ARHGEF10: variants seen among roughly 807,000 people sequenced by gnomAD.
The protein encoded by ARHGEF10 is Rho guanine nucleotide exchange factor 10.
Under a neutral mutation model 147.4 loss-of-function variants are expected in ARHGEF10, and 140 were observed. The ratio of observed to expected loss-of-function variants is 0.95; its 90% CI spans 0.83 to 1.09. ARHGEF10 has a LOEUF of 1.09. Ranked by LOEUF, ARHGEF10 falls within the 50% of genes least tolerant of loss-of-function variation. ARHGEF10 has a pLI of 0.00. For missense variants in ARHGEF10, 2,222 were observed against 1,752.7 expected (o/e 1.27, Z -4.78); for synonymous variants, 902 against 695.8 (o/e 1.30, Z -4.67).
intron 18 of ARHGEF10, among the ~76,000 whole-genome samples, chr8:1,919,239 G>T (rs1812015226): frequency 6.9e-6 from 1 of 144,684 alleles, no homozygotes; most frequent in Admixed American, 6.9e-5. Context: ...GAGCTGTTCT[G>T]TCGAGTGATG....
intron 23 of ARHGEF10, 41 bp downstream of exon 23, chr8:1,926,504 A>C (rs749329889): frequency 3.2e-6 from 5 of 1,567,038 alleles, no homozygotes; most frequent in Non-Finnish European, 4.4e-6. Flanking sequence ...GTTCACAGAG[A>C]ATCAACGTTC....
rs1420045508 is a variant in ARHGEF10 at position 1,889,838 on chromosome 8, T to C, written c.1183-3731T>C. Among the ~76,000 whole-genome samples the C allele has an allele frequency of 1.0e-4, 12 of 120,598 alleles. 1 individual carries two copies. Among genetic ancestry groups the C allele is most frequent in the African/African-American group, 4.0e-4 (11 of 27,780 alleles). The allele number at this position is 120,598 out of a possible 152,430, so 79.1% of individuals were successfully genotyped here. The stretch of plus-strand genomic sequence containing the variant: ...GGAGGGTTTGTGAGAAGACACTAGG[T>C]GGGGTGAGGTTTGTGAGGAGACACT... On this transcript the variant is annotated intron_variant, in intron 11 of 28. Coordinates refer to ENST00000349830, the MANE Select transcript of ARHGEF10 (RefSeq NM_014629.4).
intron 25 of ARHGEF10, among the ~76,000 whole-genome samples, chr8:1,930,071 TG>T (rs1453736284): frequency 6.6e-6 from 1 of 152,110 alleles, no homozygotes; most frequent in Non-Finnish European, 1.5e-5. Context: ...GTGGGAGCTC[TG>T]GGTACGGGGC....
intron 9 of ARHGEF10, among the ~76,000 whole-genome samples, chr8:1,882,136 C>T (rs1019715282): frequency 6.6e-6 from 1 of 152,162 alleles, no homozygotes; most frequent in Non-Finnish European, 1.5e-5. Context: ...CAGCATTTGC[C>T]AGGGTCTTGC....
intron 1 of ARHGEF10, among the ~76,000 whole-genome samples, chr8:1,828,939 C>G (rs1802926490): frequency 6.6e-6 from 1 of 152,012 alleles, no homozygotes; most frequent in East Asian, 1.9e-4. Context: ...AGTGCAGTGT[C>G]TGATTTTCTG....
At position 1,894,435 on chromosome 8, in the gene ARHGEF10, A is replaced by C. The variant is rs762579788; in HGVS notation, c.1303A>C (p.Ser435Arg). Residue 435 changes from serine (S) to arginine (R), a missense_variant, in exon 13 of 29, where the codon AGT (serine) becomes CGT (arginine). By Grantham distance (110) the Ser-to-Arg change is moderately radical. Transcript: ENST00000349830. ...GTCTGAGATGGAGCCAAAGGTTCTG[A>C]GTGAGAGGAAGCTGAAGACGGTGTT... Reference protein sequence around the residue: ...PLSEMEPKVLSERKLKTVFYR... With the variant: ...PLSEMEPKVLRERKLKTVFYR... 6.2e-7 allele frequency: 1 copy of C among 1,614,190 alleles called. No individual in the cohort carries two copies. Among genetic ancestry groups the C allele is most frequent in the East Asian group, 2.2e-5 (1 of 44,874 alleles).
At chr8:1,949,875 C>G (rs1814889576) in intron 27 of ARHGEF10, among the ~76,000 whole-genome samples, 2 of 152,036 alleles carry the variant, frequency 1.3e-5, no homozygotes, top group African/African-American at 4.8e-5. Flanking sequence ...GCGAATCCCC[C>G]TGGTAGCATT....
chr8:1,921,255 A>G (rs530900987), intron 18 of ARHGEF10, among the ~76,000 whole-genome samples: 67 of 152,356 alleles, frequency 4.4e-4, no homozygotes, highest in African/African-American at 1.6e-3. Context: ...TCAGTTATAT[A>G]GTAAATATTT....
Position 1,860,107 on chromosome 8 carries a change from T to C in ARHGEF10, c.404T>C (p.Val135Ala), listed in dbSNP as rs750057620. The change falls in exon 4 of 29, where the codon GTG becomes GCG. Residue 135 changes from valine to alanine, a missense_variant. Val to Ala is a moderately conservative substitution (Grantham distance 64). Transcript: ENST00000349830. ...GTGCCTGTACCCTGCGGCTATGCGG[T>C]GCCCTCCAACCTGCCCCTCCTGCTG... ...YLVPVPCGYA[V>A]PSNLPLLLPA... The C allele has an allele frequency of 5.0e-6, 8 of 1,613,942 alleles. No individual in the cohort carries two copies. The Admixed American group carries it at 1.3e-4, about 27-fold the overall frequency.
chr8:1,879,163 C>T (rs954823725), intron 8 of ARHGEF10, among the ~76,000 whole-genome samples: 4 of 152,150 alleles, frequency 2.6e-5, no homozygotes, highest in African/African-American at 9.7e-5. Flanking sequence ...ATGAGAAATG[C>T]CCCGAGACGA....
rs12680837 is a variant in ARHGEF10, at chr8:1,888,183, T to C, written c.1182+2476T>C. Among the ~76,000 whole-genome samples, 267 of 40,836 alleles carry C rather than the reference T, an allele frequency of 6.5e-3. 30 individuals carry two copies. The highest frequency in any genetic ancestry group is 0.039 in the Middle Eastern group (3 of 76). The allele number at this position is 40,836 out of a possible 152,430, so 26.8% of individuals were successfully genotyped here. A position where few individuals can be genotyped will look rare whatever the true frequency, so the allele number is the denominator to read the frequency against. ...GGTTGCGAGGAGACAGTGAGTGGGGTGAGGGTTTGCGAGGAGACACTTAGT... is the reference window on the plus strand; with the variant it reads ...GGTTGCGAGGAGACAGTGAGTGGGGCGAGGGTTTGCGAGGAGACACTTAGT... On this transcript the variant is annotated intron_variant, in intron 11 of 28. Transcript: ENST00000349830.
At chr8:1,894,846 C>T (rs1809846739) in intron 13 of ARHGEF10, among the ~76,000 whole-genome samples, 1 of 152,206 alleles carries the variant, frequency 6.6e-6, no homozygotes, top group Non-Finnish European at 1.5e-5. Context: ...TTTATCGAGT[C>T]TTGGATGCCC....
At chr8:1,824,889 C>T (rs1455564998) in intron 1 of ARHGEF10, among the ~76,000 whole-genome samples, 5 of 25,048 alleles carry the variant, frequency 2.0e-4, no homozygotes, top group Admixed American at 9.0e-4. Context: ...CCCACCAGTT[C>T]CCCGCACCCC....
intron 2 of ARHGEF10, among the ~76,000 whole-genome samples, chr8:1,857,010 C>T (rs1805601701): frequency 6.6e-6 from 1 of 152,216 alleles, no homozygotes; most frequent in African/African-American, 2.4e-5. Context: ...GCAAATGATG[C>T]ACACGGCAGG....
chr8:1,935,774 G>A (rs1813543682), intron 26 of ARHGEF10, among the ~76,000 whole-genome samples: 1 of 152,210 alleles, frequency 6.6e-6, no homozygotes, highest in South Asian at 2.1e-4. Context: ...TGCATGGGAG[G>A]AGCTGGGGAA....
intron 1 of ARHGEF10, among the ~76,000 whole-genome samples, chr8:1,842,066 C>T (rs1362715006): frequency 2.2e-5 from 3 of 139,404 alleles, no homozygotes; most frequent in African/African-American, 5.1e-5. Context: ...GAACTGGGGC[C>T]GCGGCGGGAA....
intron 2 of ARHGEF10, among the ~76,000 whole-genome samples, chr8:1,851,632 G>A (rs1017448980): frequency 6.6e-6 from 1 of 152,184 alleles, no homozygotes; most frequent in Non-Finnish European, 1.5e-5. Flanking sequence ...ACCAAACTGG[G>A]GTGGGCACGT....
rs375640457 is a variant in ARHGEF10, at chr8:1,841,721, C to G, written c.-47-1632C>G. Reference sequence around the variant, plus strand: ...TCAGCAGTCGTGTTAACAGATGAGACAATCGCAGCTGCTGCTCGTGGGGAG... The same window carrying G: ...TCAGCAGTCGTGTTAACAGATGAGAGAATCGCAGCTGCTGCTCGTGGGGAG... On this transcript the variant is annotated intron_variant, in intron 1 of 28. Coordinates refer to ENST00000349830, the MANE Select transcript of ARHGEF10 (RefSeq NM_014629.4). Among the ~76,000 whole-genome samples, 4 of 152,100 alleles carry G rather than the reference C, an allele frequency of 2.6e-5. No individual in the cohort carries two copies. In the East Asian group the frequency reaches 5.8e-4, roughly 22 times the overall value.
chr8:1,942,635 C>T (rs1341698407), intron 26 of ARHGEF10, among the ~76,000 whole-genome samples: 2 of 151,758 alleles, frequency 1.3e-5, no homozygotes, highest in East Asian at 3.9e-4. Context: ...CTCATGCAGA[C>T]ACGAATTATC....
Sources: allele counts gnomAD v4.1 joint callset (sites outside exome capture counted in the v4.1 genomes callset), GRCh38; gene constraint gnomAD v4.1.1; transcripts MANE v1.5; gene names NCBI Gene and HGNC (gene_info 2026-07-23, HGNC 2026-07-21).